Variants in KIAA1217 observed in about 807,000 individuals in gnomAD.
The protein encoded by KIAA1217 is sickle tail protein homolog.
In KIAA1217, 88 loss-of-function variants were observed where a neutral mutation model predicts 163.9. That is an observed-to-expected ratio of 0.54 (90% CI 0.45 to 0.64). The LOEUF is 0.64. Among genes scored for constraint, KIAA1217 ranks in the 30% least tolerant of loss-of-function variants. KIAA1217 has a pLI of 0.00. For missense variants in KIAA1217, 2,372 were observed against 2,475.0 expected (o/e 0.96, Z 0.88); for synonymous variants, 903 against 923.1 (o/e 0.98, Z 0.39).
In KIAA1217 at chr10:24,511,151, T is replaced by C. The variant is rs1229471429; in HGVS notation, c.2002-2108T>C. On this transcript the variant is annotated intron_variant, in intron 9 of 20. Coordinates refer to ENST00000376454, the MANE Select transcript of KIAA1217 (RefSeq NM_019590.5). ...CTGGGCAACAGAGTGAGACTCTGTC[T>C]CAAAAAAAAAAAAAAAAAAAAAGGA... Among the ~76,000 whole-genome samples, 9 of 1,826 alleles carry C rather than the reference T, an allele frequency of 4.9e-3. No individual in the cohort carries two copies. In the East Asian group the frequency reaches 0.13, roughly 27 times the overall value. The allele number at this position is 1,826 out of a possible 152,430, so 1.2% of individuals were successfully genotyped here. A position where few individuals can be genotyped will look rare whatever the true frequency, so the allele number is the denominator to read the frequency against.
chr10:23,722,501 A>T (rs1386928830), intron 1 of KIAA1217, among the ~76,000 whole-genome samples: 1 of 152,192 alleles, frequency 6.6e-6, no homozygotes, highest in Admixed American at 6.5e-5. Flanking sequence ...GTTAGAGAAA[A>T]AATCCTTGCC....
chr10:23,900,435 C>T (rs1057078296), intron 1 of KIAA1217, among the ~76,000 whole-genome samples: 1 of 152,050 alleles, frequency 6.6e-6, no homozygotes, highest in Non-Finnish European at 1.5e-5. Flanking sequence ...TGGCATTTAT[C>T]AGCCAAGAAC....
At chr10:24,276,854 C>T (rs574756987) in intron 2 of KIAA1217, among the ~76,000 whole-genome samples, 15 of 151,990 alleles carry the variant, frequency 9.9e-5, no homozygotes, top group Non-Finnish European at 2.1e-4. Flanking sequence ...GTGATCCGTC[C>T]GCCTCAGCCT....
chr10:23,965,099 G>T (rs1444321869), intron 1 of KIAA1217, among the ~76,000 whole-genome samples: 9 of 152,218 alleles, frequency 5.9e-5, no homozygotes, highest in Non-Finnish European at 1.2e-4. Flanking sequence ...GTTATAAACT[G>T]CATTTCTGTG....
At chr10:23,886,706 A>G (rs989669039) in intron 1 of KIAA1217, among the ~76,000 whole-genome samples, 2 of 152,026 alleles carry the variant, frequency 1.3e-5, no homozygotes, top group African/African-American at 4.8e-5. Context: ...ATCTTCTGTT[A>G]TTAGCATAGC....
chr10:23,763,447 G>A (rs1834361318), intron 1 of KIAA1217, among the ~76,000 whole-genome samples: 1 of 152,096 alleles, frequency 6.6e-6, no homozygotes, highest in South Asian at 2.1e-4. Flanking sequence ...AGAGACCCCA[G>A]AAATAACACC....
chr10:24,356,325 A>G (rs1003175771), intron 2 of KIAA1217, among the ~76,000 whole-genome samples: 3 of 152,298 alleles, frequency 2.0e-5, no homozygotes, highest in African/African-American at 7.2e-5. Flanking sequence ...TAATTTATTC[A>G]AAGTAAAACA....
chr10:24,406,524 G>A (rs773506603), intron 3 of KIAA1217, among the ~76,000 whole-genome samples: 7 of 152,030 alleles, frequency 4.6e-5, no homozygotes, highest in Non-Finnish European at 7.4e-5. Context: ...ACCTGAACAC[G>A]CCCCTCTGGG....
At chr10:24,087,456 T>C (rs970495845) in intron 2 of KIAA1217, among the ~76,000 whole-genome samples, 1 of 152,236 alleles carries the variant, frequency 6.6e-6, no homozygotes, top group East Asian at 1.9e-4. Context: ...TTAAAATTCT[T>C]AACTAGAGGG....
intron 13 of KIAA1217, among the ~76,000 whole-genome samples, chr10:24,525,213 A>G (rs12268215): frequency 0.58 from 88,398 of 152,050 alleles, 26,156 homozygotes; most frequent in African/African-American, 0.66. Flanking sequence ...GGAGAAATGT[A>G]ACAATCAGCT....
chr10:24,438,133 G>A (rs1358229482), intron 4 of KIAA1217, among the ~76,000 whole-genome samples: 1 of 151,954 alleles, frequency 6.6e-6, no homozygotes, highest in African/African-American at 2.4e-5. Flanking sequence ...ATTTATGGGT[G>A]GGGAACTATA....
At chr10:24,160,827 A>G (rs2065086311) in intron 2 of KIAA1217, among the ~76,000 whole-genome samples, 1 of 152,068 alleles carries the variant, frequency 6.6e-6, no homozygotes, top group Non-Finnish European at 1.5e-5. Context: ...GGGATGTATT[A>G]CTCTTGCCCT....
At chr10:24,368,906 T>G in intron 2 of KIAA1217, 1 of 957,450 alleles carries the variant, frequency 1.0e-6, no homozygotes, top group African/African-American at 1.8e-5. Context: ...CATGCAACAT[T>G]TTTCCAATTA....
At chr10:23,895,306 A>G (rs1191798674) in intron 1 of KIAA1217, among the ~76,000 whole-genome samples, 1 of 152,158 alleles carries the variant, frequency 6.6e-6, no homozygotes, top group Non-Finnish European at 1.5e-5. Flanking sequence ...AAAAAAACAA[A>G]CAACCCCATC....
At chr10:24,033,529 C>A (rs1848274138) in intron 2 of KIAA1217, among the ~76,000 whole-genome samples, 1 of 152,154 alleles carries the variant, frequency 6.6e-6, no homozygotes. Flanking sequence ...TTCTTGGAGA[C>A]CATCATGACA....
intron 2 of KIAA1217, among the ~76,000 whole-genome samples, chr10:24,343,212 A>C (rs911368965): frequency 6.6e-6 from 1 of 152,212 alleles, no homozygotes; most frequent in African/African-American, 2.4e-5. Context: ...TACAAATCTT[A>C]CCAGAAATGT....
chr10:23,741,255 T>TG (rs1282004256), intron 1 of KIAA1217, among the ~76,000 whole-genome samples: 1 of 151,872 alleles, frequency 6.6e-6, no homozygotes, highest in Non-Finnish European at 1.5e-5. Flanking sequence ...AAAAGTGAGG[T>TG]GAGGGGTCAG....
At chr10:23,844,680 G>C (rs1417522433) in intron 1 of KIAA1217, among the ~76,000 whole-genome samples, 1 of 151,436 alleles carries the variant, frequency 6.6e-6, no homozygotes, top group African/African-American at 2.4e-5. Context: ...GTCCCTCAAG[G>C]CTTGGTTCTA....
intron 1 of KIAA1217, among the ~76,000 whole-genome samples, chr10:23,853,888 A>G (rs972852208): frequency 6.6e-6 from 1 of 151,880 alleles, no homozygotes; most frequent in Admixed American, 6.6e-5. Context: ...TATTGCATCT[A>G]TTTGATTCTT....
Sources: gnomAD v4.1 joint callset for allele counts (sites outside exome capture counted in the v4.1 genomes callset) on GRCh38, gnomAD v4.1.1 for gene constraint, MANE v1.5 for transcripts, NCBI Gene and HGNC (gene_info 2026-07-23, HGNC 2026-07-21) for gene names.